Variants in SPON1 observed in about 807,000 individuals in gnomAD.
SPON1 encodes the protein spondin 1, also known as spondin-1.
A neutral mutation model predicts 111.7 loss-of-function variants in SPON1; 52 were observed. That is an observed-to-expected ratio of 0.47 (90% confidence interval 0.37 to 0.59). The LOEUF is 0.59. Ranked by LOEUF, SPON1 falls within the 20% of genes least tolerant of loss-of-function variation. SPON1 has a pLI of 0.00. For synonymous variants in SPON1, 410 were observed against 395.8 expected (o/e 1.04, Z -0.43); for missense variants, 957 against 1,068.5 (o/e 0.90, Z 1.46).
chr11:13,998,519 C>A (rs10832154), intron 2 of SPON1, among the ~76,000 whole-genome samples: 33,012 of 152,162 alleles, frequency 0.22, 4,282 homozygotes, highest in South Asian at 0.32. Context: ...TGCCTCCTCT[C>A]TGAGATCTCA....
intron 6 of SPON1, among the ~76,000 whole-genome samples, chr11:14,203,560 C>T (rs1554935880): frequency 6.6e-6 from 1 of 152,208 alleles, no homozygotes. Flanking sequence ...CACACAGTCA[C>T]CCAGAACAGA....
intron 2 of SPON1, among the ~76,000 whole-genome samples, chr11:14,014,422 A>G (rs1397549577): frequency 2.0e-5 from 3 of 152,228 alleles, no homozygotes; most frequent in African/African-American, 7.2e-5. Flanking sequence ...TTTTCCAGAT[A>G]AACTGTTAGT....
intron 6 of SPON1, among the ~76,000 whole-genome samples, chr11:14,144,402 G>A (rs1002843494): frequency 1.3e-5 from 2 of 152,070 alleles, no homozygotes; most frequent in East Asian, 1.9e-4. Context: ...GGCCAAGGCA[G>A]GCAGATCACT....
chr11:14,144,906 A>G (rs928770223), intron 6 of SPON1, among the ~76,000 whole-genome samples: 1 of 152,150 alleles, frequency 6.6e-6, no homozygotes, highest in Admixed American at 6.5e-5. Context: ...AATGGCCCCC[A>G]AGGGTGCCCA....
rs1194995204 is a variant in SPON1, at chr11:14,135,258, G to A, written c.677-162G>A. Among the ~76,000 whole-genome samples, 2 of 152,120 alleles carry A rather than the reference G, an allele frequency of 1.3e-5. No homozygotes were observed. The highest frequency in any genetic ancestry group is 4.8e-5 in the African/African-American group (2 of 41,430). On this transcript the variant is annotated intron_variant, in intron 5 of 15. Transcript: ENST00000576479. This position sits in a 1 kb window ranked among gnomAD's most constrained non-coding sequence, Gnocchi z 4.4. ...ATTCCCAAGACCTATTTGCTTATAG[G>A]AACTCAGTCTTATCACTGAATGGCA...
chr11:14,066,364 A>G (rs782403356), intron 3 of SPON1, among the ~76,000 whole-genome samples: 8 of 152,226 alleles, frequency 5.3e-5, no homozygotes, highest in Admixed American at 6.5e-5. Context: ...CCAGAGGAAG[A>G]AAACCATTAA....
chr11:14,172,217 T>G (rs1374957088), intron 6 of SPON1, among the ~76,000 whole-genome samples: 2 of 151,962 alleles, frequency 1.3e-5, no homozygotes, highest in African/African-American at 4.8e-5. Flanking sequence ...TAGCTCTTCT[T>G]GTTGAATTGA....
intron 1 of SPON1, among the ~76,000 whole-genome samples, chr11:13,963,807 G>C (rs782282095): frequency 1.3e-5 from 2 of 152,218 alleles, no homozygotes; most frequent in Non-Finnish European, 2.9e-5. Context: ...TGGGTTTCCA[G>C]AACAGGTTCC....
intron 6 of SPON1, among the ~76,000 whole-genome samples, chr11:14,140,169 T>C (rs1394740284): frequency 6.6e-6 from 1 of 152,218 alleles, no homozygotes; most frequent in Non-Finnish European, 1.5e-5. Context: ...GTTTCCTCTC[T>C]GCTGGAGTCT....
chr11:14,219,673 C>T (rs1020767304), intron 6 of SPON1, among the ~76,000 whole-genome samples: 2 of 152,094 alleles, frequency 1.3e-5, no homozygotes, highest in Admixed American at 1.3e-4. Context: ...AGGAGTTTGT[C>T]GGGGTCTTCT....
intron 5 of SPON1, among the ~76,000 whole-genome samples, chr11:14,130,401 A>T (rs1213182080): frequency 1.3e-5 from 2 of 152,240 alleles, no homozygotes; most frequent in Non-Finnish European, 2.9e-5. Context: ...CCTCCTGCGA[A>T]GAATGACATA....
chr11:13,968,813 C>T (rs1023416949), intron 1 of SPON1, among the ~76,000 whole-genome samples: 12 of 152,096 alleles, frequency 7.9e-5, no homozygotes, highest in Non-Finnish European at 1.2e-4. Flanking sequence ...AAACACACTC[C>T]GTTGGCAAAA....
In SPON1 at chr11:14,163,353, A is replaced by G. The variant is rs546970792; in HGVS notation, c.825+27785A>G. ...TCCAGGTCATGAGCATCTACAACTT[A>G]CATGTGTACCACACACTAAGTGCAT... On this transcript the variant is annotated intron_variant, in intron 6 of 15. Coordinates refer to ENST00000576479, the MANE Select transcript of SPON1 (RefSeq NM_006108.4). Among the ~76,000 whole-genome samples, 14 of 152,338 alleles carry G rather than the reference A, an allele frequency of 9.2e-5. 1 individual carries two copies. The South Asian group carries it at 2.9e-3, about 32-fold the overall frequency.
intron 2 of SPON1, among the ~76,000 whole-genome samples, chr11:14,007,595 C>A (rs781908374): frequency 2.0e-5 from 3 of 152,184 alleles, no homozygotes; most frequent in Non-Finnish European, 2.9e-5. Context: ...ATGTTAATCT[C>A]CTTTCGCAAC....
intron 6 of SPON1, among the ~76,000 whole-genome samples, chr11:14,170,866 C>T (rs868911937): frequency 6.6e-6 from 1 of 152,074 alleles, no homozygotes; most frequent in African/African-American, 2.4e-5. Context: ...GGTGGATAAG[C>T]TTTTTGATGT....
In SPON1 at chr11:14,257,881, C is replaced by T; in HGVS notation, c.1475C>T (p.Pro492Leu). Residue 492 changes from proline to leucine, a missense_variant, in exon 11 of 16, where the codon CCT becomes CTT. By Grantham distance (98) the Pro-to-Leu change is moderately conservative (BLOSUM62 -3). Coordinates refer to ENST00000576479, the MANE Select transcript of SPON1 (RefSeq NM_006108.4). Reference sequence around the variant, plus strand: ...CAGGACTTCCAGCCCTGCATGGGCCCTGGCTGCAGTGACGAAGGTGAGGAG... The same window carrying T: ...CAGGACTTCCAGCCCTGCATGGGCCTTGGCTGCAGTGACGAAGGTGAGGAG... ...DTQDFQPCMG[P>L]GCSDEDGSTC... is the part of the protein sequence containing the mutation. 1 of 1,560,620 alleles carries T rather than the reference C, an allele frequency of 6.4e-7. No individual in the cohort carries two copies. The highest frequency in any genetic ancestry group is 1.2e-5 in the South Asian group (1 of 84,656).
chr11:14,259,367 A>T lies in SPON1; in HGVS notation c.1580A>T (p.Tyr527Phe), dbSNP rs1554941630. 8 of 1,611,386 alleles carry T rather than the reference A, an allele frequency of 5.0e-6. No individual in the cohort carries two copies. The highest frequency in any genetic ancestry group is 2.2e-5 in the South Asian group (2 of 90,528). The change falls in exon 12 of 16, where the codon TAT becomes TTT. Residue 527 changes from tyrosine (Y) to phenylalanine (F), a missense_variant. Physicochemically the swap from Tyr to Phe is conservative, Grantham distance 22. Coordinates refer to ENST00000576479, the MANE Select transcript of SPON1 (RefSeq NM_006108.4). The surrounding 1 kb of genome is among the most constrained non-coding windows in gnomAD (Gnocchi z 5.0). Reference sequence around the variant, plus strand: ...ATGGGCATGAGGTCCCGGGAGAGGTATGTGAAGCAGTTCCCGGAGGACGGC... The same window carrying T: ...ATGGGCATGAGGTCCCGGGAGAGGTTTGTGAAGCAGTTCCCGGAGGACGGC... ...CGMGMRSRER[Y>F]VKQFPEDGSV...
intron 4 of SPON1, among the ~76,000 whole-genome samples, chr11:14,076,747 T>C (rs572041804): frequency 1.8e-4 from 27 of 152,292 alleles, no homozygotes; most frequent in African/African-American, 5.8e-4. Flanking sequence ...CTAGGTCCCC[T>C]GTTTGGAATT....
At chr11:14,020,745 C>G (rs1041389903) in intron 2 of SPON1, among the ~76,000 whole-genome samples, 1 of 152,172 alleles carries the variant, frequency 6.6e-6, no homozygotes, top group African/African-American at 2.4e-5. Context: ...ATACCAGGAA[C>G]AGTAGAAAAG....
Sources: allele counts gnomAD v4.1 joint callset (sites outside exome capture counted in the v4.1 genomes callset), GRCh38; gene constraint gnomAD v4.1.1; non-coding constraint Gnocchi (gnomAD v3.1); transcripts MANE v1.5; gene names NCBI Gene and HGNC (gene_info 2026-07-23, HGNC 2026-07-21).